Variants in RAC1 observed in about 807,000 individuals in gnomAD.
RAC1 encodes ras-related C3 botulinum toxin substrate 1.
A neutral mutation model predicts 25.2 loss-of-function variants in RAC1; 2 were observed. That is an observed-to-expected ratio of 0.08 (90% CI 0.03 to 0.25). The LOEUF (loss-of-function observed/expected upper bound fraction) is 0.25, where lower values mean the gene tolerates loss of function less well. Ranked by LOEUF, RAC1 falls within the 10% of genes least tolerant of loss-of-function variation. The pLI is 1.00. For missense variants in RAC1, 50 were observed against 235.7 expected (o/e 0.21, Z 5.16); for synonymous variants, 88 against 94.0 (o/e 0.94, Z 0.37).
At chr7:6,390,809 GA>G (rs941279740) in intron 2 of RAC1, among the ~76,000 whole-genome samples, 5 of 151,892 alleles carry the variant, frequency 3.3e-5, no homozygotes, top group African/African-American at 7.3e-5. Flanking sequence ...CCCTTATGGG[GA>G]AAAAAAGTCA....
At chr7:6,381,206 A>G (rs1782753649) in intron 1 of RAC1, among the ~76,000 whole-genome samples, 1 of 152,298 alleles carries the variant, frequency 6.6e-6, no homozygotes, top group South Asian at 2.1e-4. Context: ...GCAGTTACAT[A>G]TAAATTCTTA....
intron 2 of RAC1, 41 bp from the exon 3 acceptor site, chr7:6,391,883 C>T (rs925945362): frequency 2.0e-5 from 33 of 1,613,646 alleles, no homozygotes; most frequent in Non-Finnish European, 2.7e-5. Context: ...AGTGACTTAG[C>T]TTCTACACCT....
intron 2 of RAC1, among the ~76,000 whole-genome samples, chr7:6,387,910 A>C (rs1349900885): frequency 6.6e-6 from 1 of 152,168 alleles, no homozygotes; most frequent in East Asian, 1.9e-4. Flanking sequence ...AGTCCTTGTC[A>C]GTGCACGAGT....
chr7:6,391,228 T>C (rs1783084125), intron 2 of RAC1, among the ~76,000 whole-genome samples: 1 of 150,740 alleles, frequency 6.6e-6, no homozygotes, highest in African/African-American at 2.5e-5. Context: ...TCCTTTTTTT[T>C]TTTTTCTTTT....
intron 2 of RAC1, chr7:6,391,460 G>A (rs6967221): frequency 0.087 from 13,929 of 160,144 alleles, 1,024 homozygotes; most frequent in African/African-American, 0.2. Flanking sequence ...GTTAAGTCAG[G>A]TGTATTTTGT....
chr7:6,401,050 G>A (rs1157617486), intron 4 of RAC1, among the ~76,000 whole-genome samples: 12 of 151,990 alleles, frequency 7.9e-5, no homozygotes, highest in African/African-American at 2.9e-4. Context: ...TCCCCCTCCC[G>A]GTTCAAGCAA....
chr7:6,390,096 C>CCTTT (rs1554263519), intron 2 of RAC1, among the ~76,000 whole-genome samples: 1,536 of 74,892 alleles, frequency 0.021, 50 homozygotes, highest in South Asian at 0.032. Context: ...CCCTCCCTCC[C>CCTTT]TTTTTTTTTT....
chr7:6,384,585 C>G (rs1782868631), intron 1 of RAC1, among the ~76,000 whole-genome samples: 1 of 152,154 alleles, frequency 6.6e-6, no homozygotes, highest in African/African-American at 2.4e-5. Flanking sequence ...TGAAGGGATC[C>G]TCTTGCTTCA....
chr7:6,380,379 TG>T, intron 1 of RAC1, among the ~76,000 whole-genome samples: 1 of 38,536 alleles, frequency 2.6e-5, no homozygotes, highest in East Asian at 6.0e-4. Flanking sequence ...TTATACATAA[TG>T]TGTGTGTGTG....
intron 3 of RAC1, among the ~76,000 whole-genome samples, chr7:6,396,322 T>C (rs1326257958): frequency 6.6e-6 from 1 of 151,980 alleles, no homozygotes; most frequent in Non-Finnish European, 1.5e-5. Flanking sequence ...GCACAGCCTC[T>C]GTATGTGAAG....
chr7:6,379,532 C>G (rs1309522585), intron 1 of RAC1, among the ~76,000 whole-genome samples: 1 of 152,018 alleles, frequency 6.6e-6, no homozygotes, highest in East Asian at 1.9e-4. Context: ...CTTAGCCTCT[C>G]AAAAAGTACT....
In RAC1 at chr7:6,401,227, A is replaced by C. The variant is rs555702615; in HGVS notation, c.289-641A>C. Reference sequence around the variant, plus strand: ...CGCCGCAGACTCCCAGAGTGCTGGGATTTCAGGTGTGAGCCACTATGCCCG... The same window carrying C: ...CGCCGCAGACTCCCAGAGTGCTGGGCTTTCAGGTGTGAGCCACTATGCCCG... On this transcript the variant is annotated intron_variant, in intron 4 of 5. Transcript: ENST00000348035. 4.6e-5 allele frequency among the ~76,000 whole-genome samples: 7 copies of C among 152,282 alleles called. No individual in the cohort carries two copies. The South Asian group carries it at 1.2e-3, about 27-fold the overall frequency.
chr7:6,397,337 C>G (rs1400074977), intron 3 of RAC1, among the ~76,000 whole-genome samples: 1 of 151,926 alleles, frequency 6.6e-6, no homozygotes, highest in Non-Finnish European at 1.5e-5. Flanking sequence ...CTCTGTCACC[C>G]AGACTGGAGT....
chr7:6,390,259 C>G (rs972173894), intron 2 of RAC1, among the ~76,000 whole-genome samples: 7 of 151,700 alleles, frequency 4.6e-5, no homozygotes, highest in Admixed American at 4.6e-4. Context: ...TGTCTTTGTA[C>G]TTCATTATGG....
At chr7:6,388,346 C>CG (rs148077429) in intron 2 of RAC1, among the ~76,000 whole-genome samples, 1 of 121,826 alleles carries the variant, frequency 8.2e-6, no homozygotes, top group Non-Finnish European at 1.7e-5. Context: ...TGTTGTTTTC[C>CG]TTTTTTTTTT....
Position 6,387,233 on chromosome 7 carries a change from A to G in RAC1, c.57A>G (p.Leu19=), listed in dbSNP as rs1782948781. Residue 19 remains leucine (L), a synonymous_variant, in exon 2 of 6, where the codon CTA becomes CTG. Coordinates refer to ENST00000348035, the MANE Select transcript of RAC1 (RefSeq NM_006908.5). ...VGDGAVGKTC[L]LISYTTNAFP... Reference sequence around the variant, plus strand: ...TTAGAGCTGTAGGTAAAACTTGCCTACTGATCAGTTACACAACCAATGCAT... The same window carrying G: ...TTAGAGCTGTAGGTAAAACTTGCCTGCTGATCAGTTACACAACCAATGCAT... 5 of 1,569,622 alleles carry G rather than the reference A, an allele frequency of 3.2e-6. No individual in the cohort carries two copies. The highest frequency in any genetic ancestry group is 1.4e-5 in the African/African-American group (1 of 71,414).
At chr7:6,401,794 C>A in intron 4 of RAC1, 74 bp from the exon 5 acceptor site, 2 of 1,509,142 alleles carry the variant, frequency 1.3e-6, no homozygotes, top group South Asian at 2.6e-5. Context: ...TGAGTGCCGC[C>A]GGCTGGGTGT....
intron 2 of RAC1, among the ~76,000 whole-genome samples, chr7:6,389,826 C>G (rs34170697): frequency 0.066 from 10,039 of 152,222 alleles, 419 homozygotes; most frequent in Non-Finnish European, 0.096. Context: ...ACACCTGGCT[C>G]TTTTGAATGT....
intron 2 of RAC1, chr7:6,391,512 G>A: frequency 4.8e-6 from 1 of 208,626 alleles, no homozygotes; most frequent in Non-Finnish European, 9.8e-6. Context: ...CCCTGCAGAG[G>A]GTAGCTCTAG....
Sources: gnomAD v4.1 joint callset for allele counts (sites outside exome capture counted in the v4.1 genomes callset) on GRCh38, gnomAD v4.1.1 for gene constraint, MANE v1.5 for transcripts, NCBI Gene and HGNC (gene_info 2026-07-23, HGNC 2026-07-21) for gene names.